Variants in VAV3 observed in about 807,000 individuals in gnomAD.
The protein encoded by VAV3 is vav guanine nucleotide exchange factor 3.
Under a neutral mutation model 131.2 loss-of-function variants are expected in VAV3, and 94 were observed. That is an observed-to-expected ratio of 0.72 (90% confidence interval 0.61 to 0.85). The LOEUF (loss-of-function observed/expected upper bound fraction) is 0.85, where lower values mean the gene tolerates loss of function less well. Among genes scored for constraint, VAV3 ranks in the 40% least tolerant of loss-of-function variants. The pLI, the probability that VAV3 is intolerant of heterozygous loss-of-function variation, is 0.00. For synonymous variants in VAV3, 349 were observed against 342.0 expected, an observed-to-expected ratio of 1.02 and a Z score of -0.22; for missense variants, 939 against 1,002.7, an observed-to-expected ratio of 0.94 and a Z score of 0.86.
chr1:107,843,771 G>T (rs994628331), intron 2 of VAV3, among the ~76,000 whole-genome samples: 31 of 151,952 alleles, frequency 2.0e-4, no homozygotes, highest in Non-Finnish European at 4.0e-4. Flanking sequence ...ATGCATTTTT[G>T]GGGGAGTCTT....
intron 1 of VAV3, among the ~76,000 whole-genome samples, chr1:107,904,072 C>T (rs1671994106): frequency 6.6e-6 from 1 of 152,172 alleles, no homozygotes; most frequent in Non-Finnish European, 1.5e-5. Flanking sequence ...ACCTTACGTG[C>T]TCCATCATTT....
chr1:107,652,886 G>T (rs894701758), intron 19 of VAV3, among the ~76,000 whole-genome samples: 12 of 151,870 alleles, frequency 7.9e-5, no homozygotes, highest in Non-Finnish European at 1.3e-4. Context: ...TTCCTTAAAG[G>T]TTCTTACTAA....
intron 21 of VAV3, 138 bp from the exon 22 acceptor site, chr1:107,610,103 A>T: frequency 1.6e-6 from 1 of 635,138 alleles, no homozygotes; most frequent in Non-Finnish European, 2.8e-6. Flanking sequence ...TGGTAATTTT[A>T]TACAGAGTGA....
chr1:107,619,957 A>T (rs995710378), intron 20 of VAV3, among the ~76,000 whole-genome samples: 19 of 151,942 alleles, frequency 1.3e-4, no homozygotes, highest in Non-Finnish European at 2.9e-5. Flanking sequence ...CACATTACCT[A>T]CTCTGTCATC....
At position 107,796,995 on chromosome 1, in the gene VAV3, C is replaced by T. The variant is rs567061791; in HGVS notation, c.322-17503G>A. 5.9e-5 allele frequency among the ~76,000 whole-genome samples: 9 copies of T among 152,050 alleles called. No individual in the cohort carries two copies. In the East Asian group the frequency reaches 1.7e-3, roughly 29 times the overall value. On this transcript the variant is annotated intron_variant, in intron 2 of 26. Coordinates refer to ENST00000370056, the MANE Select transcript of VAV3 (RefSeq NM_006113.5). ...TAATTTTTTTAAATAAGTGAAAATA[C>T]TCCTATAATAACTATATGACTTCAA...
intron 15 of VAV3, among the ~76,000 whole-genome samples, chr1:107,728,588 T>TGTATACGTATAC (rs1432016952): frequency 7.7e-4 from 89 of 116,052 alleles, no homozygotes; most frequent in Middle Eastern, 4.7e-3. Flanking sequence ...GACAGTCATA[T>TGTATACGTATAC]GTATACGTAT....
chr1:107,731,109 C>T (rs1662213682), intron 15 of VAV3, among the ~76,000 whole-genome samples: 1 of 152,192 alleles, frequency 6.6e-6, no homozygotes, highest in South Asian at 2.1e-4. Flanking sequence ...ATGTCCCAGA[C>T]TCTAAATACT....
intron 1 of VAV3, among the ~76,000 whole-genome samples, chr1:107,928,004 C>T (rs1261793898): frequency 1.3e-5 from 2 of 152,196 alleles, no homozygotes; most frequent in Non-Finnish European, 2.9e-5. Flanking sequence ...AGCACAGTCC[C>T]GGTGGTGGTA....
intron 15 of VAV3, among the ~76,000 whole-genome samples, chr1:107,727,467 T>C (rs191721429): frequency 8.1e-4 from 124 of 152,348 alleles, no homozygotes; most frequent in African/African-American, 2.9e-3. Context: ...AATTAATTAT[T>C]AGGCATTTAA....
intron 1 of VAV3, among the ~76,000 whole-genome samples, chr1:107,884,208 T>C (rs1378124982): frequency 6.6e-6 from 1 of 151,250 alleles, no homozygotes; most frequent in Non-Finnish European, 1.5e-5. Context: ...TAGTCAATAA[T>C]AATTTAACTG....
chr1:107,757,454 G>C, intron 10 of VAV3, 125 bp from the exon 11 acceptor site: 1 of 814,476 alleles, frequency 1.2e-6, no homozygotes, highest in Non-Finnish European at 1.8e-6. Context: ...AATCTAATAT[G>C]TCTGGGCTCC....
intron 20 of VAV3, among the ~76,000 whole-genome samples, chr1:107,628,314 T>C (rs1008966815): frequency 6.6e-6 from 1 of 152,124 alleles, no homozygotes; most frequent in Non-Finnish European, 1.5e-5. Flanking sequence ...GAAGACCAAA[T>C]ACAGCAGTCC....
At chr1:107,862,847 A>C (rs1669803690) in intron 2 of VAV3, 1 of 152,144 alleles carries the variant, frequency 6.6e-6, no homozygotes, top group Non-Finnish European at 1.5e-5. Flanking sequence ...TATTACACAG[A>C]AAGAAAATAT....
chr1:107,811,152 G>A (rs906258791), intron 2 of VAV3, among the ~76,000 whole-genome samples: 2 of 152,142 alleles, frequency 1.3e-5, no homozygotes, highest in Non-Finnish European at 2.9e-5. Context: ...GACAGGTTTT[G>A]TTGGTTTTTA....
chr1:107,951,859 T>C (rs577391757), intron 1 of VAV3, among the ~76,000 whole-genome samples: 6 of 152,120 alleles, frequency 3.9e-5, no homozygotes, highest in African/African-American at 1.4e-4. Flanking sequence ...GAAACACTTA[T>C]ACACTGTTGG....
At chr1:107,878,994 C>T (rs1670641123) in intron 1 of VAV3, among the ~76,000 whole-genome samples, 2 of 152,124 alleles carry the variant, frequency 1.3e-5, no homozygotes, top group East Asian at 1.9e-4. Context: ...CCTGACCTCC[C>T]TTTTTTTCTA....
At chr1:107,914,135 T>C (rs1672502555) in intron 1 of VAV3, among the ~76,000 whole-genome samples, 1 of 152,162 alleles carries the variant, frequency 6.6e-6, no homozygotes, top group African/African-American at 2.4e-5. Flanking sequence ...TATACAAACA[T>C]ACAGAGATGA....
chr1:107,707,429 A>C (rs1468886856), intron 15 of VAV3, among the ~76,000 whole-genome samples: 1 of 152,226 alleles, frequency 6.6e-6, no homozygotes, highest in Non-Finnish European at 1.5e-5. Context: ...TGATATATGT[A>C]ACGTGCTTAG....
intron 1 of VAV3, among the ~76,000 whole-genome samples, chr1:107,893,693 C>A (rs719122): frequency 0.028 from 4,224 of 152,200 alleles, 93 homozygotes; most frequent in East Asian, 0.096. Context: ...TTACCTCCCA[C>A]CAGGTCACTC....
Sources: allele counts gnomAD v4.1 joint callset (sites outside exome capture counted in the v4.1 genomes callset), GRCh38; gene constraint gnomAD v4.1.1; transcripts MANE v1.5; gene names NCBI Gene and HGNC (gene_info 2026-07-23, HGNC 2026-07-21).